The following CCDC171 variants were observed in gnomAD, a reference collection of about 807,000 sequenced individuals.
CCDC171 encodes coiled-coil domain-containing protein 171.
CCDC171 carries 177 observed loss-of-function variants against 168.2 expected under a neutral mutation model. The observed-to-expected ratio is 1.05, with a 90% confidence interval of 0.93 to 1.19. The LOEUF (loss-of-function observed/expected upper bound fraction) is 1.19, where lower values mean the gene tolerates loss of function less well. Among genes scored for constraint, CCDC171 ranks in the 50% most tolerant of loss-of-function variants. CCDC171 has a pLI of 0.00. For synonymous variants in CCDC171, 687 were observed against 540.8 expected, an observed-to-expected ratio of 1.27 and a Z score of -3.75; for missense variants, 1,991 against 1,539.0, an observed-to-expected ratio of 1.29 and a Z score of -4.91.
chr9:15,987,220 T>A (rs933651538), intron 3 of CCDC171, among the ~76,000 whole-genome samples: 2 of 151,916 alleles, frequency 1.3e-5, no homozygotes, highest in African/African-American at 2.4e-5. Flanking sequence ...AGAGAAAAAA[T>A]TTGTAACACA....
intron 18 of CCDC171, among the ~76,000 whole-genome samples, chr9:15,766,725 A>G (rs1243670963): frequency 6.6e-6 from 1 of 151,874 alleles, no homozygotes; most frequent in Non-Finnish European, 1.5e-5. Context: ...GTGCAATCAT[A>G]GCTCACTGCA....
intron 3 of CCDC171, among the ~76,000 whole-genome samples, chr9:15,987,653 T>C (rs1034807047): frequency 6.6e-6 from 1 of 152,166 alleles, no homozygotes; most frequent in African/African-American, 2.4e-5. Context: ...AGGAGTGAGA[T>C]GGAGTTACAT....
At chr9:16,098,965 G>C in the CCDC171 span, among the ~76,000 whole-genome samples, 1 of 152,306 alleles carries the variant, frequency 6.6e-6, no homozygotes, top group Non-Finnish European at 1.5e-5. Flanking sequence ...TCATTTTGTA[G>C]CTCTGACATA....
Position 16,024,259 on chromosome 9 carries a change from C to G in CCDC171, n.998+1351C>G, listed in dbSNP as rs150103457. On this transcript the variant is annotated intron_variant and non_coding_transcript_variant, in intron 6 of 9. Transcript: ENST00000486641. ...TTTTAAATTTACCATAGTAAACTTACAGTAATTTGTTACAATAAAAATAGG... is the reference window on the plus strand; with the variant it reads ...TTTTAAATTTACCATAGTAAACTTAGAGTAATTTGTTACAATAAAAATAGG... Among the ~76,000 whole-genome samples, 76 of 152,260 alleles carry G rather than the reference C, an allele frequency of 5.0e-4. No individual in the cohort carries two copies. The East Asian group carries it at 0.014, about 28-fold the overall frequency.
chr9:16,015,322 T>C (rs1204984717), intron 3 of CCDC171, among the ~76,000 whole-genome samples: 4 of 152,196 alleles, frequency 2.6e-5, no homozygotes, highest in African/African-American at 9.7e-5. Flanking sequence ...TCAGCCTTCA[T>C]AGAATTGAAG....
chr9:16,023,571 T>G (rs1218134844), intron 6 of CCDC171, among the ~76,000 whole-genome samples: 1 of 152,146 alleles, frequency 6.6e-6, no homozygotes, highest in Non-Finnish European at 1.5e-5. Flanking sequence ...AGATGGACCA[T>G]ATTCAGTCCA....
chr9:15,891,577 AGTGCCT>A (rs1820226513), intron 24 of CCDC171, among the ~76,000 whole-genome samples: 3 of 152,180 alleles, frequency 2.0e-5, no homozygotes, highest in Non-Finnish European at 4.4e-5. Context: ...TGAGATAGAA[AGTGCCT>A]TTATTAAGCC....
At chr9:15,952,920 G>A (rs566853368) in intron 25 of CCDC171, among the ~76,000 whole-genome samples, 9 of 152,060 alleles carry the variant, frequency 5.9e-5, no homozygotes, top group African/African-American at 1.9e-4. Flanking sequence ...TAATGCCTAG[G>A]TATTTTATTC....
intron 21 of CCDC171, among the ~76,000 whole-genome samples, chr9:15,816,907 A>G (rs767195285): frequency 4.2e-5 from 5 of 118,886 alleles, no homozygotes; most frequent in Non-Finnish European, 5.7e-5. Context: ...AAAAGTTAAG[A>G]TGAACATCTT....
intron 1 of CCDC171, among the ~76,000 whole-genome samples, chr9:16,046,215 C>G (rs140070014): frequency 0.014 from 2,150 of 152,154 alleles, 46 homozygotes; most frequent in African/African-American, 0.048. Context: ...TCAGGAGGCT[C>G]CAACACATGG....
the CCDC171 span, among the ~76,000 whole-genome samples, chr9:16,107,249 A>C: frequency 6.6e-6 from 1 of 152,086 alleles, no homozygotes; most frequent in East Asian, 1.9e-4. Flanking sequence ...TCCTGGGCTC[A>C]AGCGATTCTC....
At chr9:15,747,682 G>A (rs1225039190) in intron 18 of CCDC171, among the ~76,000 whole-genome samples, 2 of 152,160 alleles carry the variant, frequency 1.3e-5, no homozygotes, top group African/African-American at 4.8e-5. Flanking sequence ...AAAACTAACA[G>A]ACAGAAAGGA....
At chr9:15,704,772 G>C (rs914294982) in intron 11 of CCDC171, among the ~76,000 whole-genome samples, 3 of 152,114 alleles carry the variant, frequency 2.0e-5, no homozygotes, top group African/African-American at 7.2e-5. Flanking sequence ...GTAAGTCCAA[G>C]ACGTTCCAGA....
chr9:15,926,761 T>C (rs1825943025), intron 25 of CCDC171, among the ~76,000 whole-genome samples: 1 of 151,684 alleles, frequency 6.6e-6, no homozygotes, highest in African/African-American at 2.4e-5. Flanking sequence ...TCAATAAATA[T>C]TCTCTTATCT....
intron 25 of CCDC171, among the ~76,000 whole-genome samples, chr9:15,923,514 A>G (rs1825571128): frequency 6.6e-6 from 1 of 151,254 alleles, no homozygotes. Context: ...AGAGAGAGCA[A>G]TGGGGAGATG....
At chr9:15,790,383 A>G (rs2135575487) in intron 21 of CCDC171, among the ~76,000 whole-genome samples, 1 of 152,338 alleles carries the variant, frequency 6.6e-6, no homozygotes, top group Non-Finnish European at 1.5e-5. Context: ...TGTTGGCTGC[A>G]TAAATGTCTT....
At chr9:15,886,759 C>CAA (rs1321671009) in intron 24 of CCDC171, 1 of 149,462 alleles carries the variant, frequency 6.7e-6, no homozygotes, top group Admixed American at 6.7e-5. Context: ...TGTTTATACA[C>CAA]ACACACACAC....
intron 6 of CCDC171, among the ~76,000 whole-genome samples, chr9:16,030,028 C>T (rs1170036155): frequency 2.6e-5 from 4 of 152,136 alleles, no homozygotes; most frequent in Non-Finnish European, 5.9e-5. Context: ...TGTTTGTGCT[C>T]ACATGGCAGA....
intron 4 of CCDC171, among the ~76,000 whole-genome samples, chr9:15,585,979 A>G (rs537664774): frequency 6.3e-4 from 96 of 152,326 alleles, no homozygotes; most frequent in Middle Eastern, 3.4e-3. Flanking sequence ...CTGTCTCAAA[A>G]AAACAAAACG....
Sources: allele counts gnomAD v4.1 joint callset (sites outside exome capture counted in the v4.1 genomes callset), GRCh38; gene constraint gnomAD v4.1.1; transcripts MANE v1.5; gene names NCBI Gene and HGNC (gene_info 2026-07-23, HGNC 2026-07-21).